Variants in RASAL1 observed in about 807,000 individuals in gnomAD.
The protein encoded by RASAL1 is RAS protein activator like 1, also known as rasGAP-activating-like protein 1.
A neutral mutation model predicts 96.6 loss-of-function variants in RASAL1; 72 were observed. That is an observed-to-expected ratio of 0.75 (90% CI 0.62 to 0.91). The LOEUF (loss-of-function observed/expected upper bound fraction) is 0.91. Among genes scored for constraint, RASAL1 ranks in the 40% least tolerant of loss-of-function variants. The probability of loss-of-function intolerance (pLI) is 0.00; values close to 1 mark genes in which losing one functional copy is unlikely to be tolerated. For synonymous variants in RASAL1, 405 were observed against 430.4 expected (o/e 0.94, Z 0.73); for missense variants, 1,016 against 1,072.5 (o/e 0.95, Z 0.74).
chr12:113,109,046 T>TTG (rs1950760487), intron 13 of RASAL1, among the ~76,000 whole-genome samples: 8 of 45,924 alleles, frequency 1.7e-4, no homozygotes, highest in Non-Finnish European at 3.2e-4. Flanking sequence ...TGTGTGTGTT[T>TTG]TTTTTTTTTT....
At chr12:113,109,029 GTTTTTTTGTGTGTGTTT>G (rs1384196068) in intron 13 of RASAL1, among the ~76,000 whole-genome samples, 1 of 72,436 alleles carries the variant, frequency 1.4e-5, no homozygotes, top group Non-Finnish European at 2.7e-5. Flanking sequence ...TTGTTTTTAG[GTTTTTTTGTGTGTGTTT>G]TTTTTTTTTT....
In RASAL1 at chr12:113,115,067, G is replaced by T; in HGVS notation, c.1068+133C>A. On this transcript the variant is annotated intron_variant, in intron 11 of 20. Coordinates refer to ENST00000548055, the MANE Select transcript of RASAL1 (RefSeq NM_001301202.2). This position sits in a 1 kb window ranked among gnomAD's most constrained non-coding sequence, Gnocchi z 4.1. ...CAGGTGCAACTCAGGGCAAGGCCGG[G>T]CACCAGCCGCCAGCACTGCAGCTCG... 2 of 1,150,906 alleles carry T rather than the reference G, an allele frequency of 1.7e-6. No homozygotes were observed. Among genetic ancestry groups the T allele is most frequent in the Non-Finnish European group, 1.3e-6 (1 of 770,344 alleles). The allele number at this position is 1,150,906 out of a possible 1,614,324, so 71.3% of individuals were successfully genotyped here. A position where few individuals can be genotyped will look rare whatever the true frequency, so the allele number is the denominator to read the frequency against.
rs1329543513 is a variant in RASAL1 at position 113,114,881 on chromosome 12, A to G, written c.1100T>C (p.Leu367Pro). The change falls in exon 12 of 21, where the codon CTG becomes CCG. Residue 367 changes from leucine (L) to proline (P), a missense_variant. Transcript: ENST00000548055. ...LVGMPYLHEV[L>P]KPVISRVFEE... ...AAAGACACGGCTAATCACAGGCTTC[A>G]GGACCTCGTGCAGGTAGGGCATGCC... The G allele has an allele frequency of 6.2e-6, 10 of 1,614,092 alleles. No homozygotes were observed. In the South Asian group the frequency reaches 1.1e-4, roughly 18 times the overall value.
At chr12:113,114,586 A>C (rs1232480442) in intron 12 of RASAL1, among the ~76,000 whole-genome samples, 1 of 152,166 alleles carries the variant, frequency 6.6e-6, no homozygotes, top group Non-Finnish European at 1.5e-5. Context: ...ATTTGAACCC[A>C]GGGCGCTTAG....
At chr12:113,104,124 G>A in intron 17 of RASAL1, 37 bp downstream of exon 17, 1 of 1,588,974 alleles carries the variant, frequency 6.3e-7, no homozygotes, top group Non-Finnish European at 8.6e-7. Flanking sequence ...TGGGAACAGA[G>A]GGACGCCCCC....
chr12:113,118,890 A>T (rs1951182481), intron 7 of RASAL1, among the ~76,000 whole-genome samples: 1 of 152,184 alleles, frequency 6.6e-6, no homozygotes, highest in Non-Finnish European at 1.5e-5. Flanking sequence ...TCATCCCAGA[A>T]TGAGAATCTG....
rs780028842 is a variant in RASAL1 at position 113,121,568 on chromosome 12, T to C, written c.369A>G (p.Ser123=). ...DAEVQGEICL[S]VQMLEDGQGR... is the part of the protein sequence containing the mutation. ...CCTGCCCATCCTCCAGCATCTGCAC[T>C]GACAGGCAGATCTCACCCTGCACTT... Residue 123 remains serine, a synonymous_variant, in exon 5 of 21, where the codon TCA becomes TCG. Coordinates refer to ENST00000548055, the MANE Select transcript of RASAL1 (RefSeq NM_001301202.2). 1 of 1,614,208 alleles carries C rather than the reference T, an allele frequency of 6.2e-7. No individual in the cohort carries two copies. The highest frequency in any genetic ancestry group is 8.5e-7 in the Non-Finnish European group (1 of 1,180,020).
At position 113,135,334 on chromosome 12, in the gene RASAL1, GC is replaced by G; in HGVS notation, c.65+63del. 6.7e-7 allele frequency: 1 copy of G among 1,488,728 alleles called. No individual in the cohort carries two copies. The highest frequency in any genetic ancestry group is 9.2e-7 in the Non-Finnish European group (1 of 1,089,260). 92.2% of individuals were successfully genotyped at this position (1,488,728 alleles called of 1,614,324 possible). On this transcript the variant is annotated intron_variant, in intron 1 of 20. Coordinates refer to ENST00000548055, the MANE Select transcript of RASAL1 (RefSeq NM_001301202.2). The surrounding 1 kb of genome is among the most constrained non-coding windows in gnomAD (Gnocchi z 5.7). The stretch of plus-strand genomic sequence containing the variant: ...CAACCCGCCCTGGCACGCGGAAAGG[GC>G]GACGTCGGCCCCACCCCAGGCCTTG...
At chr12:113,111,136 G>A (rs1950852692) in intron 13 of RASAL1, among the ~76,000 whole-genome samples, 2 of 152,128 alleles carry the variant, frequency 1.3e-5, no homozygotes, top group Non-Finnish European at 2.9e-5. Flanking sequence ...GAAACTCACA[G>A]CATCTGAGTT....
Position 113,130,601 on chromosome 12 carries a change from G to A in RASAL1, c.122+284C>T, listed in dbSNP as rs368503142. ...CCGGAACCAACCAGTCCAGCCAAGC[G>A]TGAGATGCCCGCCCCCAGGGAGGCC... is the stretch of plus-strand genomic sequence containing the variant. On this transcript the variant is annotated intron_variant, in intron 2 of 20. Coordinates refer to ENST00000548055, the MANE Select transcript of RASAL1 (RefSeq NM_001301202.2). This position sits in a 1 kb window ranked among gnomAD's most constrained non-coding sequence, Gnocchi z 5.1. Among the ~76,000 whole-genome samples the A allele has an allele frequency of 2.0e-5, 3 of 152,278 alleles. No individual in the cohort carries two copies. In the East Asian group the frequency reaches 5.8e-4, roughly 30 times the overall value.
At position 113,099,941 on chromosome 12, in the gene RASAL1, G is replaced by A; in HGVS notation, c.2406C>T (p.Pro802=). 6.2e-7 allele frequency: 1 copy of A among 1,611,710 alleles called. No individual in the cohort carries two copies. The highest frequency in any genetic ancestry group is 8.5e-7 in the Non-Finnish European group (1 of 1,178,794). Residue 802 remains proline (P), a synonymous_variant, in exon 21 of 21, where the codon CCC becomes CCT. Coordinates refer to ENST00000548055, the MANE Select transcript of RASAL1 (RefSeq NM_001301202.2). The part of the protein sequence containing the change: ...QQERGKAALG[P]LGP Reference sequence around the variant, plus strand: ...CTCTGGCATTTCCTTAGGGGCCAAGGGGGCCCAGGGCCGCCTTCCCTCGCT... The same window carrying A: ...CTCTGGCATTTCCTTAGGGGCCAAGAGGGCCCAGGGCCGCCTTCCCTCGCT...
rs1951027574 is a variant in RASAL1, at chr12:113,115,155, A to G, written c.1068+45T>C. 6.4e-7 allele frequency: 1 copy of G among 1,550,910 alleles called. No individual in the cohort carries two copies. Among genetic ancestry groups the G allele is most frequent in the Non-Finnish European group, 8.9e-7 (1 of 1,123,366 alleles). ...GCCAGGTAGGCACTGGGAAGGAGGT[A>G]CCCGAGGAAGCTGCGCCTGGTCCCG... On this transcript the variant is annotated intron_variant, in intron 11 of 20. Transcript: ENST00000548055. This position sits in a 1 kb window ranked among gnomAD's most constrained non-coding sequence, Gnocchi z 4.1.
chr12:113,100,370 C>A (rs1950398106), intron 20 of RASAL1, among the ~76,000 whole-genome samples: 1 of 152,176 alleles, frequency 6.6e-6, no homozygotes, highest in Non-Finnish European at 1.5e-5. Flanking sequence ...ATGATCTCAG[C>A]TCATTGCAAC....
chr12:113,128,274 ACACACACG>A, intron 2 of RASAL1, 96 bp from the exon 3 acceptor site: 1 of 704,634 alleles, frequency 1.4e-6, no homozygotes, highest in Admixed American at 2.2e-5. Context: ...ACACACACAC[ACACACACG>A]GGAATCCAGA....
chr12:113,105,711 C>G lies in RASAL1; in HGVS notation c.1830+3G>C. Reference sequence around the variant, plus strand: ...AGCCCTCCATAGTGGACTGGAACCCCACCTGCCACTCAGGACTCTTGGAGA... The same window carrying G: ...AGCCCTCCATAGTGGACTGGAACCCGACCTGCCACTCAGGACTCTTGGAGA... On this transcript the variant is annotated splice_donor_region_variant and intron_variant, in intron 16 of 20. Transcript: ENST00000548055. 6.2e-7 allele frequency: 1 copy of G among 1,600,662 alleles called. No individual in the cohort carries two copies.
chr12:113,101,506 A>AT (rs1218246524), intron 19 of RASAL1, among the ~76,000 whole-genome samples: 1 of 152,244 alleles, frequency 6.6e-6, no homozygotes, highest in East Asian at 1.9e-4. Context: ...TCAGCTTCAG[A>AT]ACCCACTCTA....
intron 4 of RASAL1, among the ~76,000 whole-genome samples, chr12:113,122,227 C>T (rs71465880): frequency 0.013 from 2,004 of 152,336 alleles, 37 homozygotes; most frequent in South Asian, 0.065. Flanking sequence ...CCATCACACA[C>T]TTCCCCCTGG....
At chr12:113,101,452 A>G (rs923763722) in intron 19 of RASAL1, among the ~76,000 whole-genome samples, 5 of 152,204 alleles carry the variant, frequency 3.3e-5, no homozygotes, top group African/African-American at 1.2e-4. Context: ...AAAAGAGATC[A>G]CACAGCTAGT....
chr12:113,113,501 G>C (rs1950951180), intron 12 of RASAL1, among the ~76,000 whole-genome samples: 1 of 152,184 alleles, frequency 6.6e-6, no homozygotes, highest in African/African-American at 2.4e-5. Context: ...GCTAGGAAAA[G>C]CCCTCAACTT....
Sources: gnomAD v4.1 joint callset for allele counts (sites outside exome capture counted in the v4.1 genomes callset) on GRCh38, gnomAD v4.1.1 for gene constraint, Gnocchi (gnomAD v3.1) non-coding constraint, MANE v1.5 for transcripts, NCBI Gene and HGNC (gene_info 2026-07-23, HGNC 2026-07-21) for gene names.